The following EPM2A variants were observed in gnomAD, a reference collection of about 807,000 sequenced individuals.
EPM2A encodes laforin.
Under a neutral mutation model 26.5 loss-of-function variants are expected in EPM2A, and 21 were observed. That is an observed-to-expected ratio of 0.79 (90% CI 0.56 to 1.14). The LOEUF (loss-of-function observed/expected upper bound fraction) is 1.14. Ranked by LOEUF, EPM2A falls within the 50% of genes most tolerant of loss-of-function variation. EPM2A has a pLI of 0.00. For synonymous variants in EPM2A, 217 were observed against 177.6 expected (o/e 1.22, Z -1.76); for missense variants, 458 against 440.8 (o/e 1.04, Z -0.35).
chr6:145,577,443 G>A (rs755857375), intron 2 of EPM2A, among the ~76,000 whole-genome samples: 6 of 150,446 alleles, frequency 4.0e-5, no homozygotes, highest in Non-Finnish European at 7.4e-5. Flanking sequence ...TATGAAAAGA[G>A]ACAAAAAAGT....
At chr6:145,724,714 G>A (rs1051065594) in intron 1 of EPM2A, among the ~76,000 whole-genome samples, 1 of 151,970 alleles carries the variant, frequency 6.6e-6, no homozygotes, top group Non-Finnish European at 1.5e-5. Flanking sequence ...AATAAAGTCA[G>A]GTGGTTTCTA....
chr6:145,454,444 A>T (rs900230397), intron 4 of EPM2A, among the ~76,000 whole-genome samples: 1 of 152,104 alleles, frequency 6.6e-6, no homozygotes, highest in African/African-American at 2.4e-5. Flanking sequence ...TATGAGGGGT[A>T]TGGGAGAGGG....
At chr6:145,524,990 T>C (rs1316694249) in intron 2 of EPM2A, among the ~76,000 whole-genome samples, 1 of 152,176 alleles carries the variant, frequency 6.6e-6, no homozygotes, top group Non-Finnish European at 1.5e-5. Context: ...TGCATATGAC[T>C]AGCCAGTTAT....
chr6:145,640,329 G>T (rs1562431194), intron 2 of EPM2A: 2 of 152,136 alleles, frequency 1.3e-5, no homozygotes, highest in South Asian at 2.1e-4. Context: ...ATGGCCATGA[G>T]AAATGGCAGA....
chr6:145,553,842 T>C (rs1295153468), intron 2 of EPM2A, among the ~76,000 whole-genome samples: 1 of 147,724 alleles, frequency 6.8e-6, no homozygotes, highest in Admixed American at 6.8e-5. Context: ...TATATAGTAA[T>C]ATATATGTAT....
intron 1 of EPM2A, chr6:145,722,706 T>C (rs1776004549): frequency 2.3e-6 from 1 of 442,254 alleles, no homozygotes; most frequent in Admixed American, 2.5e-5. Flanking sequence ...TGTGATCTTA[T>C]TTGAAGATAG....
intron 1 of EPM2A, among the ~76,000 whole-genome samples, chr6:145,709,888 T>C (rs1233112246): frequency 1.3e-5 from 2 of 152,144 alleles, no homozygotes; most frequent in African/African-American, 4.8e-5. Context: ...ATTTAATAAA[T>C]GGTGCTGGGA....
chr6:145,406,347 C>CA (rs1381234759), intron 4 of EPM2A, among the ~76,000 whole-genome samples: 2 of 151,990 alleles, frequency 1.3e-5, no homozygotes, highest in Non-Finnish European at 2.9e-5. Context: ...TTTTTACATA[C>CA]AAAAAATTAA....
chr6:145,411,808 T>C (rs968186603), intron 4 of EPM2A, among the ~76,000 whole-genome samples: 4 of 152,220 alleles, frequency 2.6e-5, no homozygotes, highest in Non-Finnish European at 4.4e-5. Context: ...AAAGTTGAGG[T>C]TTGAATTCAT....
intron 4 of EPM2A, among the ~76,000 whole-genome samples, chr6:145,434,066 T>C (rs1270305327): frequency 6.6e-6 from 1 of 152,066 alleles, no homozygotes; most frequent in Non-Finnish European, 1.5e-5. Flanking sequence ...TGACAGATAT[T>C]TTCCTTGGGT....
intron 2 of EPM2A, among the ~76,000 whole-genome samples, chr6:145,538,809 A>G (rs1780469284): frequency 6.6e-6 from 1 of 152,246 alleles, no homozygotes; most frequent in Non-Finnish European, 1.5e-5. Flanking sequence ...ACTTTTAAAT[A>G]CATTCTTTGG....
At chr6:145,668,246 A>T (rs1301132185) in intron 2 of EPM2A, among the ~76,000 whole-genome samples, 1 of 152,196 alleles carries the variant, frequency 6.6e-6, no homozygotes, top group Non-Finnish European at 1.5e-5. Context: ...GTGTTGGGAC[A>T]GGATCTGCAA....
At chr6:145,678,038 G>T (rs1780200322) in intron 2 of EPM2A, among the ~76,000 whole-genome samples, 1 of 152,104 alleles carries the variant, frequency 6.6e-6, no homozygotes, top group Non-Finnish European at 1.5e-5. Flanking sequence ...ATACTACAAG[G>T]CTACAGTAAC....
chr6:145,401,469 G>A (rs1778485546), intron 4 of EPM2A, among the ~76,000 whole-genome samples: 1 of 152,018 alleles, frequency 6.6e-6, no homozygotes, highest in African/African-American at 2.4e-5. Flanking sequence ...GAATGTATTT[G>A]AATTTTGGTT....
intron 2 of EPM2A, among the ~76,000 whole-genome samples, chr6:145,617,161 T>C (rs1582900138): frequency 6.6e-6 from 1 of 152,288 alleles, no homozygotes; most frequent in African/African-American, 2.4e-5. Context: ...TGGGGGCAGG[T>C]CTTTTCTGTG....
intron 2 of EPM2A, among the ~76,000 whole-genome samples, chr6:145,571,276 GTTTTA>G (rs1780952017): frequency 6.6e-6 from 1 of 152,132 alleles, no homozygotes; most frequent in Non-Finnish European, 1.5e-5. Flanking sequence ...CGTAGTTGAT[GTTTTA>G]ATTATGACTT....
chr6:145,635,503 G>T lies in EPM2A; in HGVS notation c.477-17C>A, dbSNP rs1465632675. On this transcript the variant is annotated splice_polypyrimidine_tract_variant and intron_variant, in intron 2 of 3. Coordinates refer to ENST00000367519, the MANE Select transcript of EPM2A (RefSeq NM_005670.4). ...GGTAGAATTCTAATGAGAACATATG[G>T]AGACAACTATCACTAGTGTTGTTCT... 2.5e-6 allele frequency: 4 copies of T among 1,613,520 alleles called. No individual in the cohort carries two copies.
intron 4 of EPM2A, chr6:145,490,426 T>C (rs1779739346): frequency 1.8e-5 from 14 of 766,390 alleles, no homozygotes; most frequent in East Asian, 2.5e-5. Context: ...AGCAAATCTT[T>C]CATGACAATT....
chr6:145,424,562 A>C (rs1055992729), intron 4 of EPM2A, among the ~76,000 whole-genome samples: 2 of 152,194 alleles, frequency 1.3e-5, no homozygotes, highest in African/African-American at 4.8e-5. Flanking sequence ...GATCTATTAG[A>C]TATAGATCTA....
Sources: allele counts gnomAD v4.1 joint callset (sites outside exome capture counted in the v4.1 genomes callset), GRCh38; gene constraint gnomAD v4.1.1; transcripts MANE v1.5; gene names NCBI Gene and HGNC (gene_info 2026-07-23, HGNC 2026-07-21).